Variants in IGF1 observed in about 807,000 individuals in gnomAD.
IGF1 encodes insulin like growth factor 1.
In IGF1, 4 loss-of-function variants were observed where a neutral mutation model predicts 13.8. The ratio of observed to expected loss-of-function variants is 0.29; its 90% CI spans 0.14 to 0.66. The LOEUF (loss-of-function observed/expected upper bound fraction) is 0.66, where lower values mean the gene tolerates loss of function less well. IGF1 is among the 30% of genes least tolerant of loss of function. The probability of loss-of-function intolerance (pLI) is 0.78; values close to 1 mark genes in which losing one functional copy is unlikely to be tolerated. For synonymous variants in IGF1, 76 were observed against 72.6 expected, an observed-to-expected ratio of 1.05 and a Z score of -0.23; for missense variants, 124 against 188.5, an observed-to-expected ratio of 0.66 and a Z score of 2.00.
At chr12:102,437,527 A>T (rs1877350386) in intron 2 of IGF1, among the ~76,000 whole-genome samples, 1 of 152,250 alleles carries the variant, frequency 6.6e-6, no homozygotes, top group South Asian at 2.1e-4. Flanking sequence ...ATGTCAAAAG[A>T]CAAATACTAT....
intron 2 of IGF1, among the ~76,000 whole-genome samples, chr12:102,442,686 G>C (rs1015693): frequency 6.6e-6 from 1 of 152,086 alleles, no homozygotes; most frequent in Non-Finnish European, 1.5e-5. Context: ...TGAGGATAAA[G>C]ACATTCTTTT....
chr12:102,436,129 A>G (rs1386775294), intron 2 of IGF1, among the ~76,000 whole-genome samples: 2 of 152,190 alleles, frequency 1.3e-5, no homozygotes, highest in Non-Finnish European at 2.9e-5. Context: ...AGAAGGAAAA[A>G]ATATTATAAC....
At chr12:102,465,174 T>A (rs1253315513) in intron 2 of IGF1, among the ~76,000 whole-genome samples, 1 of 152,230 alleles carries the variant, frequency 6.6e-6, no homozygotes, top group Non-Finnish European at 1.5e-5. Context: ...CACTGCCAAA[T>A]TAACTTTTCC....
At chr12:102,407,981 T>C (rs1874313950) in intron 3 of IGF1, among the ~76,000 whole-genome samples, 2 of 152,186 alleles carry the variant, frequency 1.3e-5, no homozygotes, top group South Asian at 2.1e-4. Flanking sequence ...ATGTTTTCAA[T>C]AGACTATGTT....
chr12:102,443,005 G>A (rs1878002468), intron 2 of IGF1, among the ~76,000 whole-genome samples: 1 of 152,116 alleles, frequency 6.6e-6, no homozygotes, highest in Admixed American at 6.5e-5. Flanking sequence ...AGCTCATTAA[G>A]TGATGCTAAT....
At chr12:102,459,281 C>A (rs1879705927) in intron 2 of IGF1, among the ~76,000 whole-genome samples, 1 of 152,094 alleles carries the variant, frequency 6.6e-6, no homozygotes, top group South Asian at 2.1e-4. Flanking sequence ...ACTCAATTTA[C>A]ATAGCCATGA....
intron 1 of IGF1, 21 bp from the exon 2 acceptor site, chr12:102,475,820 G>T (rs1194230698): frequency 6.2e-7 from 1 of 1,604,868 alleles, no homozygotes; most frequent in Non-Finnish European, 8.5e-7. Flanking sequence ...AACAGAGGGA[G>T]GGTCAGGTTT....
chr12:102,430,464 G>A (rs1265381370), intron 2 of IGF1, among the ~76,000 whole-genome samples: 1 of 152,120 alleles, frequency 6.6e-6, no homozygotes, highest in Non-Finnish European at 1.5e-5. Context: ...AGGTATTGTA[G>A]CAGCTTCCAT....
upstream of IGF1, chr12:102,480,621 A>T: frequency 7.4e-7 from 1 of 1,357,948 alleles, no homozygotes. Context: ...GTAGACAGGA[A>T]ACAGCTGGGG....
chr12:102,425,347 A>C (rs1460368901), intron 2 of IGF1, among the ~76,000 whole-genome samples: 2 of 152,124 alleles, frequency 1.3e-5, no homozygotes, highest in Non-Finnish European at 2.9e-5. Flanking sequence ...GCCTGTGTTA[A>C]TTTTTAATTG....
In IGF1 at chr12:102,396,705, T is replaced by C. The variant is rs553887106; in HGVS notation, c.*5802A>G. The C allele has an allele frequency of 5.3e-5, 21 of 392,836 alleles. No individual in the cohort carries two copies. In the Admixed American group the frequency reaches 7.1e-4, roughly 13 times the overall value. The allele number at this position is 392,836 out of a possible 1,614,324, so 24.3% of individuals were successfully genotyped here. On this transcript the variant is annotated 3_prime_UTR_variant, in exon 4 of 4. Coordinates refer to ENST00000337514, the MANE Select transcript of IGF1 (RefSeq NM_000618.5). Reference sequence around the variant, plus strand: ...CATGTTTTTGAAAGTGAAAGGTAATTCAGCTCCGGTTATTAGGAGAAACTC... The same window carrying C: ...CATGTTTTTGAAAGTGAAAGGTAATCCAGCTCCGGTTATTAGGAGAAACTC...
At chr12:102,417,701 T>C in intron 3 of IGF1, 1 of 1,526,448 alleles carries the variant, frequency 6.6e-7, no homozygotes, top group East Asian at 2.3e-5. Flanking sequence ...CACATCATCA[T>C]CTAGCTCCAG....
In IGF1 at chr12:102,399,384, T is replaced by C. The variant is rs2114911; in HGVS notation, c.*3123A>G. On this transcript the variant is annotated 3_prime_UTR_variant, in exon 4 of 4. Coordinates refer to ENST00000337514, the MANE Select transcript of IGF1 (RefSeq NM_000618.5). ...TTCTTACCAATGTTTACTGTTCTTT[T>C]ACAAATATCTTGAAATTGCCTCATT... is the stretch of plus-strand genomic sequence containing the variant. 2 of 152,480 alleles carry C rather than the reference T, an allele frequency of 1.3e-5. No individual in the cohort carries two copies. Among genetic ancestry groups the C allele is most frequent in the African/African-American group, 4.8e-5 (2 of 41,436 alleles). The allele number at this position is 152,480 out of a possible 1,614,324, so 9.4% of individuals were successfully genotyped here. A position where few individuals can be genotyped will look rare whatever the true frequency, so the allele number is the denominator to read the frequency against.
At chr12:102,428,337 A>T (rs1440191930) in intron 2 of IGF1, among the ~76,000 whole-genome samples, 1 of 148,300 alleles carries the variant, frequency 6.7e-6, no homozygotes, top group African/African-American at 2.5e-5. Context: ...TCTTTTTTAG[A>T]TTTAATTTTG....
chr12:102,438,524 A>G (rs999734935), intron 2 of IGF1, among the ~76,000 whole-genome samples: 4 of 152,246 alleles, frequency 2.6e-5, no homozygotes, highest in Non-Finnish European at 4.4e-5. Context: ...AATCTGTTTC[A>G]TGGTACTGAA....
At chr12:102,413,245 A>G (rs1352269589) in intron 3 of IGF1, among the ~76,000 whole-genome samples, 2 of 152,220 alleles carry the variant, frequency 1.3e-5, no homozygotes, top group Admixed American at 1.3e-4. Flanking sequence ...GAGACTATCA[A>G]TGTTGCCCTT....
chr12:102,472,322 G>T (rs1267562628), intron 2 of IGF1, among the ~76,000 whole-genome samples: 1 of 152,014 alleles, frequency 6.6e-6, no homozygotes, highest in African/African-American at 2.4e-5. Flanking sequence ...TGGAACTTGG[G>T]CTTGAAGGGG....
chr12:102,414,034 G>A (rs1221893110), intron 3 of IGF1, among the ~76,000 whole-genome samples: 4 of 152,158 alleles, frequency 2.6e-5, no homozygotes, highest in Non-Finnish European at 4.4e-5. Flanking sequence ...TCTACTTCAG[G>A]AGACCAACTT....
At position 102,402,025 on chromosome 12, in the gene IGF1, T is replaced by G. The variant is rs945410527; in HGVS notation, c.*482A>C. The G allele has an allele frequency of 6.5e-6, 1 of 154,282 alleles. No homozygotes were observed. Among genetic ancestry groups the G allele is most frequent in the East Asian group, 1.9e-4 (1 of 5,284 alleles). The allele number at this position is 154,282 out of a possible 1,614,324, so 9.6% of individuals were successfully genotyped here. A position where few individuals can be genotyped will look rare whatever the true frequency, so the allele number is the denominator to read the frequency against. On this transcript the variant is annotated 3_prime_UTR_variant, in exon 4 of 4. Transcript: ENST00000337514. The stretch of plus-strand genomic sequence containing the variant: ...AGGTTATGAAGGGAGGTGGTGGGTA[T>G]AGACTAACAAGATTATCAGACACTG...
Sources: gnomAD v4.1 joint callset for allele counts (sites outside exome capture counted in the v4.1 genomes callset) on GRCh38, gnomAD v4.1.1 for gene constraint, MANE v1.5 for transcripts, NCBI Gene and HGNC (gene_info 2026-07-23, HGNC 2026-07-21) for gene names.